The following STARD9 variants were observed in gnomAD, a reference collection of about 807,000 sequenced individuals.
STARD9 encodes the protein StAR related lipid transfer domain containing 9.
STARD9 carries 346 observed loss-of-function variants against 399.8 expected under a neutral mutation model. That is an observed-to-expected ratio of 0.87 (90% CI 0.79 to 0.95). The LOEUF (loss-of-function observed/expected upper bound fraction) is 0.95, where lower values mean the gene tolerates loss of function less well. Among genes scored for constraint, STARD9 ranks in the 40% least tolerant of loss-of-function variants. The pLI is 0.00. For synonymous variants in STARD9, 2,203 were observed against 2,143.5 expected (o/e 1.03, Z -0.77); for missense variants, 5,832 against 5,667.5 (o/e 1.03, Z -0.93).
chr15:42,695,254 C>G lies in STARD9; in HGVS notation c.13077C>G (p.Asp4359Glu), dbSNP rs1436425238. Residue 4359 changes from aspartate to glutamate, a missense_variant, in exon 25 of 33, where the codon GAC becomes GAG. Physicochemically the swap from Asp to Glu is conservative, Grantham distance 45. This residue lies in a region of STARD9 where 5,828 missense variants were observed against 5,651.1 expected (regional missense o/e 1.03). Coordinates refer to ENST00000290607, the MANE Select transcript of STARD9 (RefSeq NM_020759.3). The stretch of plus-strand genomic sequence containing the variant: ...AGGTGGAGATTGCCCGGGCCCGAGA[C>G]CAACTGCGGGAGCGGACTGAACAAG... ...EAKVEIARAR[D>E]QLRERTEQEK... 3 of 1,537,176 alleles carry G rather than the reference C, an allele frequency of 2.0e-6. No individual in the cohort carries two copies. The highest frequency in any genetic ancestry group is 2.6e-6 in the Non-Finnish European group (3 of 1,146,858).
intron 11 of STARD9, 36 bp from the exon 12 acceptor site, chr15:42,663,245 C>G: frequency 6.7e-7 from 1 of 1,499,496 alleles, no homozygotes; most frequent in Non-Finnish European, 8.9e-7. Flanking sequence ...CTTCATAATT[C>G]CTTCTTTCTT....
At chr15:42,694,897 C>T (rs2060807429) in intron 24 of STARD9, among the ~76,000 whole-genome samples, 172 bp downstream of exon 24, 1 of 152,082 alleles carries the variant, frequency 6.6e-6, no homozygotes, top group Non-Finnish European at 1.5e-5. Flanking sequence ...AGAGAAGGCA[C>T]AGGAAATGAT....
intron 28 of STARD9, 136 bp from the exon 29 acceptor site, chr15:42,717,595 A>G: frequency 1.3e-6 from 1 of 785,228 alleles, no homozygotes; most frequent in Non-Finnish European, 2.1e-6. Context: ...ACTCCACTCC[A>G]GCCTGGGTGA....
intron 9 of STARD9, among the ~76,000 whole-genome samples, chr15:42,653,050 T>A (rs1007389921): frequency 6.6e-6 from 1 of 152,136 alleles, no homozygotes; most frequent in Non-Finnish European, 1.5e-5. Context: ...TAAACCGGAT[T>A]TACACACAAT....
At chr15:42,703,592 C>G (rs1428966581) in intron 26 of STARD9, among the ~76,000 whole-genome samples, 1 of 148,774 alleles carries the variant, frequency 6.7e-6, no homozygotes, top group Non-Finnish European at 1.5e-5. Flanking sequence ...TCACGCTGGT[C>G]TTGAACTCCT....
rs967454214 is a variant in STARD9 at position 42,689,137 on chromosome 15, G to A, written c.7559G>A (p.Gly2520Asp). ...ACTGAGGACGTCGGACTGACCAGCG[G>A]TGTTTCCTTAGCACCTGTTTCCCTG... is the stretch of plus-strand genomic sequence containing the variant. ...KETEDVGLTS[G>D]VSLAPVSLPR... Residue 2520 changes from glycine to aspartate, a missense_variant, in exon 23 of 33, where the codon GGT (glycine) becomes GAT (aspartate). Gly to Asp is a moderately conservative substitution (Grantham distance 94). Transcript: ENST00000290607. 1 of 1,537,172 alleles carries A rather than the reference G, an allele frequency of 6.5e-7. No homozygotes were observed. Among genetic ancestry groups the A allele is most frequent in the African/African-American group, 1.4e-5 (1 of 73,046 alleles).
intron 1 of STARD9, among the ~76,000 whole-genome samples, chr15:42,582,558 G>A (rs1362265907): frequency 1.3e-5 from 2 of 152,110 alleles, no homozygotes; most frequent in East Asian, 3.8e-4. Context: ...TATAAAGAAA[G>A]GATTTGAGAA....
chr15:42,600,151 G>T (rs2058592805), intron 3 of STARD9, among the ~76,000 whole-genome samples: 2 of 152,142 alleles, frequency 1.3e-5, no homozygotes, highest in South Asian at 2.1e-4. Flanking sequence ...CCTCTAAGCT[G>T]GTCCAGACTC....
Position 42,718,169 on chromosome 15 carries a change from C to A in STARD9, c.13752C>A (p.Ser4584Arg). 6.5e-7 allele frequency: 1 copy of A among 1,536,752 alleles called. No individual in the cohort carries two copies. The highest frequency in any genetic ancestry group is 1.2e-5 in the South Asian group (1 of 84,046). The change falls in exon 30 of 33, where the codon AGC becomes AGA. Residue 4584 changes from serine to arginine, a missense_variant. This residue lies in a region of STARD9 where 5,828 missense variants were observed against 5,651.1 expected (regional missense o/e 1.03). Transcript: ENST00000290607. Reference protein sequence around the residue: ...TARLHQRVTNSISLVYLVCNT... With the variant: ...TARLHQRVTNRISLVYLVCNT... ...GGCTGCATCAGCGAGTGACCAACAG[C>A]ATCAGCCTGGGTGAGCCCAGGGAAG...
In STARD9 at chr15:42,686,462, C is replaced by T. The variant is rs2060559884; in HGVS notation, c.4884C>T (p.Asn1628=). ...AAGCATGTGAAGTCAAGCAGAACAA[C>T]TTGGAAGAATGCCTTCAGAGTTGCA... The part of the protein sequence containing the change: ...MTEACEVKQN[N]LEECLQSCRK... The change falls in exon 23 of 33, where the codon AAC becomes AAT. Residue 1628 remains asparagine (N), a synonymous_variant. Coordinates refer to ENST00000290607, the MANE Select transcript of STARD9 (RefSeq NM_020759.3). 6.5e-7 allele frequency: 1 copy of T among 1,537,662 alleles called. No homozygotes were observed. The highest frequency in any genetic ancestry group is 2.0e-5 in the Admixed American group (1 of 50,986).
At chr15:42,719,026 G>A (rs1808902336) in intron 32 of STARD9, 116 bp downstream of exon 32, 1 of 919,720 alleles carries the variant, frequency 1.1e-6, no homozygotes, top group Non-Finnish European at 1.6e-6. Context: ...TTTGGCCTGA[G>A]ACCTGGAGAC....
chr15:42,718,444 T>C lies in STARD9; in HGVS notation c.13772T>C (p.Val4591Ala), dbSNP rs1314303703. The change falls in exon 31 of 33, where the codon GTG (valine) becomes GCG (alanine). Residue 4591 changes from valine (V) to alanine (A), a missense_variant. Around this residue, in one of 2 missense-constraint regions of STARD9, gnomAD observed 5,828 missense variants for 5,651.1 expected, o/e 1.03. Transcript: ENST00000290607. ...VTNSISLVYL[V>A]CNTTLCALKQ... is the part of the protein sequence containing the mutation. ...ATCCCTGTCCCTCCAGTGTACTTGG[T>C]GTGCAACACCACCCTGTGCGCACTG... 6 of 1,536,920 alleles carry C rather than the reference T, an allele frequency of 3.9e-6. No homozygotes were observed. The highest frequency in any genetic ancestry group is 2.4e-5 in the East Asian group (1 of 40,918).
At position 42,634,838 on chromosome 15, in the gene STARD9, C is replaced by T. The variant is rs745900641; in HGVS notation, c.235-18C>T. ...AAGAAGGACCACAGTGATATTTCCT[C>T]TGCTTTTGTTGTTACAGGTTTTCCA... On this transcript the variant is annotated intron_variant, in intron 3 of 32. Transcript: ENST00000290607. 1 of 1,347,966 alleles carries T rather than the reference C, an allele frequency of 7.4e-7. No homozygotes were observed. The highest frequency in any genetic ancestry group is 1.0e-6 in the Non-Finnish European group (1 of 982,646). 83.5% of individuals were successfully genotyped at this position (1,347,966 alleles called of 1,614,324 possible). A position where few individuals can be genotyped will look rare whatever the true frequency, so the allele number is the denominator to read the frequency against.
At position 42,593,831 on chromosome 15, in the gene STARD9, CT is replaced by C. The variant is rs989451934; in HGVS notation, c.234+8204del. On this transcript the variant is annotated intron_variant, in intron 3 of 32. Transcript: ENST00000290607. ...GGCGCCCGCCACCACGCCCGGCTAACTTTTTTTTTTGTATTTTTAGTAGAGA... is the reference window on the plus strand; with the variant it reads ...GGCGCCCGCCACCACGCCCGGCTAACTTTTTTTTTGTATTTTTAGTAGAGA... Among the ~76,000 whole-genome samples, 1,351 of 147,126 alleles carry C rather than the reference CT, an allele frequency of 9.2e-3. 25 individuals carry two copies. Among genetic ancestry groups the C allele is most frequent in the African/African-American group, 0.032 (1,277 of 40,272 alleles).
chr15:42,681,757 C>G, intron 21 of STARD9, 145 bp downstream of exon 21: 1 of 774,164 alleles, frequency 1.3e-6, no homozygotes. Flanking sequence ...TTTTAGACAC[C>G]AGAGATTCTT....
intron 26 of STARD9, among the ~76,000 whole-genome samples, chr15:42,715,821 A>G (rs373901319): frequency 4.6e-5 from 7 of 152,078 alleles, no homozygotes; most frequent in East Asian, 3.9e-4. Context: ...ATTTTTTTTT[A>G]AAATTAGCCA....
chr15:42,602,213 A>G (rs986439063), intron 3 of STARD9, among the ~76,000 whole-genome samples: 2 of 152,228 alleles, frequency 1.3e-5, no homozygotes, highest in Admixed American at 6.5e-5. Context: ...AGACATGGCA[A>G]TAGTATGCTC....
intron 30 of STARD9, 114 bp from the exon 31 acceptor site, chr15:42,718,321 G>A: frequency 8.2e-7 from 1 of 1,217,514 alleles, no homozygotes; most frequent in Middle Eastern, 1.9e-4. Context: ...CTCAGCCTAG[G>A]TTGAGCTAGG....
intron 26 of STARD9, among the ~76,000 whole-genome samples, chr15:42,701,059 G>C (rs2060953294): frequency 6.6e-6 from 1 of 152,168 alleles, no homozygotes; most frequent in African/African-American, 2.4e-5. Context: ...TCAAAAATCA[G>C]TTGGCTATGA....
Sources: gnomAD v4.1 joint callset for allele counts (sites outside exome capture counted in the v4.1 genomes callset) on GRCh38, gnomAD v4.1.1 for gene constraint, gnomAD v4.1.1 regional missense constraint, MANE v1.5 for transcripts, NCBI Gene and HGNC (gene_info 2026-07-23, HGNC 2026-07-21) for gene names.